SHROOM3: variants seen among roughly 807,000 people sequenced by gnomAD.
SHROOM3 encodes protein Shroom3.
In SHROOM3, 47 loss-of-function variants were observed where a neutral mutation model predicts 138.6. The ratio of observed to expected loss-of-function variants is 0.34; its 90% CI spans 0.27 to 0.43. The LOEUF (loss-of-function observed/expected upper bound fraction) is 0.43, where lower values mean the gene tolerates loss of function less well. Among genes scored for constraint, SHROOM3 ranks in the 20% least tolerant of loss-of-function variants. The probability of loss-of-function intolerance (pLI) is 1.00; values close to 1 mark genes in which losing one functional copy is unlikely to be tolerated. For synonymous variants in SHROOM3, 1,062 were observed against 1,063.3 expected (o/e 1.00, Z 0.02); for missense variants, 2,491 against 2,596.5 (o/e 0.96, Z 0.88).
Position 76,450,665 on chromosome 4 carries a change from A to G in SHROOM3, c.168+14445A>G, listed in dbSNP as rs1465441177. Among the ~76,000 whole-genome samples the G allele has an allele frequency of 3.3e-5, 5 of 152,220 alleles. No homozygotes were observed. In the South Asian group the frequency reaches 1.0e-3, roughly 32 times the overall value. ...CATATATGAGATACCCAGAAAAGGCAATTCTAAAGGGACAGAAAGTAGATG... is the reference window on the plus strand; with the variant it reads ...CATATATGAGATACCCAGAAAAGGCGATTCTAAAGGGACAGAAAGTAGATG... On this transcript the variant is annotated intron_variant, in intron 1 of 10. Coordinates refer to ENST00000296043, the MANE Select transcript of SHROOM3 (RefSeq NM_020859.4).
chr4:76,534,109 A>G (rs913583295), intron 1 of SHROOM3, among the ~76,000 whole-genome samples: 3 of 152,242 alleles, frequency 2.0e-5, no homozygotes, highest in Non-Finnish European at 2.9e-5. Flanking sequence ...AGTGCCTGGT[A>G]TGCAGTAGGC....
chr4:76,550,313 G>T (rs577372108), intron 1 of SHROOM3, among the ~76,000 whole-genome samples: 1 of 152,210 alleles, frequency 6.6e-6, no homozygotes, highest in South Asian at 2.1e-4. Flanking sequence ...GAATGAATGT[G>T]TTCACCAAGT....
At chr4:76,547,062 T>C (rs1256447551) in intron 1 of SHROOM3, among the ~76,000 whole-genome samples, 1 of 152,204 alleles carries the variant, frequency 6.6e-6, no homozygotes, top group African/African-American at 2.4e-5. Flanking sequence ...CTTTTTCTCA[T>C]GTGTAAGCTG....
At chr4:76,660,607 C>G (rs1386881982) in intron 2 of SHROOM3, among the ~76,000 whole-genome samples, 1 of 152,054 alleles carries the variant, frequency 6.6e-6, no homozygotes, top group Non-Finnish European at 1.5e-5. Flanking sequence ...TCCTGAGTAG[C>G]TGGGATTACA....
At chr4:76,462,708 C>A (rs1483067974) in intron 1 of SHROOM3, among the ~76,000 whole-genome samples, 1 of 148,584 alleles carries the variant, frequency 6.7e-6, no homozygotes, top group South Asian at 2.2e-4. Flanking sequence ...CTCCCTCTCC[C>A]TCTCCCTCTC....
intron 2 of SHROOM3, among the ~76,000 whole-genome samples, chr4:76,590,233 T>C (rs565991379): frequency 2.0e-5 from 3 of 152,236 alleles, no homozygotes. Context: ...AAGCCTAAAT[T>C]GAGGACAGCA....
intron 1 of SHROOM3, among the ~76,000 whole-genome samples, chr4:76,440,616 G>C (rs1180760649): frequency 2.0e-5 from 3 of 152,142 alleles, no homozygotes; most frequent in Non-Finnish European, 4.4e-5. Context: ...TGCTGTTCTT[G>C]GCAAATATAT....
At chr4:76,452,463 C>T (rs1321889623) in intron 1 of SHROOM3, among the ~76,000 whole-genome samples, 1 of 152,202 alleles carries the variant, frequency 6.6e-6, no homozygotes, top group Non-Finnish European at 1.5e-5. Context: ...AGTCTAGGTG[C>T]TTCATATAAG....
At chr4:76,631,498 C>T (rs1240842136) in intron 2 of SHROOM3, among the ~76,000 whole-genome samples, 2 of 152,032 alleles carry the variant, frequency 1.3e-5, no homozygotes, top group Non-Finnish European at 2.9e-5. Flanking sequence ...CAGACATGAG[C>T]CACCACACCT....
intron 1 of SHROOM3, among the ~76,000 whole-genome samples, chr4:76,463,998 C>T (rs1345447953): frequency 6.6e-6 from 1 of 152,202 alleles, no homozygotes; most frequent in Non-Finnish European, 1.5e-5. Flanking sequence ...GCATCAGAGT[C>T]CCCACACAGA....
intron 1 of SHROOM3, among the ~76,000 whole-genome samples, chr4:76,448,021 A>G (rs1007067669): frequency 1.4e-4 from 22 of 152,188 alleles, no homozygotes; most frequent in Non-Finnish European, 2.8e-4. Flanking sequence ...GGAGGATTCC[A>G]TGGTATAAAA....
At chr4:76,461,901 G>T (rs1731149297) in intron 1 of SHROOM3, among the ~76,000 whole-genome samples, 2 of 152,214 alleles carry the variant, frequency 1.3e-5, no homozygotes, top group South Asian at 4.1e-4. Context: ...CAAATTAAAT[G>T]GGAATGTTAG....
intron 1 of SHROOM3, among the ~76,000 whole-genome samples, chr4:76,545,828 A>C (rs550949392): frequency 1.3e-5 from 2 of 152,208 alleles, no homozygotes; most frequent in African/African-American, 4.8e-5. Context: ...AGAAGGTGCA[A>C]ATTTCGCCCA....
At chr4:76,462,930 C>T (rs935021755) in intron 1 of SHROOM3, among the ~76,000 whole-genome samples, 3 of 152,130 alleles carry the variant, frequency 2.0e-5, no homozygotes, top group Non-Finnish European at 2.9e-5. Flanking sequence ...TCAGGTAGTT[C>T]TTTATAGCAG....
rs561114845 is a variant in SHROOM3 at position 76,633,403 on chromosome 4, T to C, written c.324-76753T>C. On this transcript the variant is annotated intron_variant, in intron 2 of 10. Coordinates refer to ENST00000296043, the MANE Select transcript of SHROOM3 (RefSeq NM_020859.4). ...TTGTTAACTGGCCGGGCGTGGTGGC[T>C]CACGCCTGTAATCCCAGCCAAGGCA... 3.4e-5 allele frequency among the ~76,000 whole-genome samples: 5 copies of C among 148,940 alleles called. No homozygotes were observed. The South Asian group carries it at 6.4e-4, about 19-fold the overall frequency.
chr4:76,504,228 G>A (rs995569067), intron 1 of SHROOM3, among the ~76,000 whole-genome samples: 1 of 151,728 alleles, frequency 6.6e-6, no homozygotes, highest in Non-Finnish European at 1.5e-5. Context: ...GCACGATCTC[G>A]GCTCACTGCA....
At chr4:76,758,302 G>A (rs1721886463) in intron 8 of SHROOM3, 1 of 152,124 alleles carries the variant, frequency 6.6e-6, no homozygotes, top group Non-Finnish European at 1.5e-5. Flanking sequence ...GTTGCAGTAT[G>A]GTCATTCTGT....
chr4:76,705,351 G>T (rs1175554329), intron 2 of SHROOM3, among the ~76,000 whole-genome samples: 1 of 152,000 alleles, frequency 6.6e-6, no homozygotes, highest in Non-Finnish European at 1.5e-5. Context: ...TTAAAAATCA[G>T]CCTGACATGG....
chr4:76,746,095 C>T (rs545391229), intron 5 of SHROOM3, among the ~76,000 whole-genome samples: 2 of 151,982 alleles, frequency 1.3e-5, no homozygotes, highest in Admixed American at 1.3e-4. Context: ...CAAAATTTGC[C>T]CAAGGTAGTA....
Sources: allele counts gnomAD v4.1 joint callset (sites outside exome capture counted in the v4.1 genomes callset), GRCh38; gene constraint gnomAD v4.1.1; transcripts MANE v1.5; gene names NCBI Gene and HGNC (gene_info 2026-07-23, HGNC 2026-07-21).